LIN7A: variants seen among roughly 807,000 people sequenced by gnomAD.
LIN7A encodes protein lin-7 homolog A.
In LIN7A, 25 loss-of-function variants were observed where a neutral mutation model predicts 29.8. The observed-to-expected ratio is 0.84, with a 90% CI of 0.61 to 1.17. LIN7A has a LOEUF of 1.17. Among genes scored for constraint, LIN7A ranks in the 50% most tolerant of loss-of-function variants. The pLI, the probability that LIN7A is intolerant of heterozygous loss-of-function variation, is 0.00. For synonymous variants in LIN7A, 118 were observed against 107.5 expected (o/e 1.10, Z -0.60); for missense variants, 239 against 287.0 (o/e 0.83, Z 1.21).
At chr12:80,911,067 T>G (rs1807588480) in intron 1 of LIN7A, among the ~76,000 whole-genome samples, 1 of 152,136 alleles carries the variant, frequency 6.6e-6, no homozygotes, top group Admixed American at 6.6e-5. Flanking sequence ...ATAAACAGAT[T>G]ATATTTATTC....
At chr12:80,929,967 A>G (rs959856316) in intron 1 of LIN7A, among the ~76,000 whole-genome samples, 3 of 152,114 alleles carry the variant, frequency 2.0e-5, no homozygotes, top group African/African-American at 7.2e-5. Flanking sequence ...ATTTCATGCT[A>G]TGTTTCTCCA....
intron 4 of LIN7A, among the ~76,000 whole-genome samples, chr12:80,820,996 G>A (rs1433068466): frequency 6.6e-6 from 1 of 152,192 alleles, no homozygotes; most frequent in Non-Finnish European, 1.5e-5. Context: ...CATTAGGATA[G>A]GGAAAGGGTT....
intron 1 of LIN7A, among the ~76,000 whole-genome samples, chr12:80,899,251 T>C (rs1028826448): frequency 2.6e-4 from 39 of 152,180 alleles, no homozygotes; most frequent in Admixed American, 2.6e-3. Context: ...ATGGGTTTTG[T>C]TTTTAGTTCT....
At chr12:80,914,036 C>T (rs1037566414) in intron 1 of LIN7A, among the ~76,000 whole-genome samples, 1 of 152,170 alleles carries the variant, frequency 6.6e-6, no homozygotes. Flanking sequence ...ACTTCATGGA[C>T]CAACATGTTT....
At chr12:80,843,211 C>T (rs1416174534) in intron 4 of LIN7A, among the ~76,000 whole-genome samples, 1 of 152,106 alleles carries the variant, frequency 6.6e-6, no homozygotes, top group Non-Finnish European at 1.5e-5. Flanking sequence ...CTCACCTTTG[C>T]ATGAAGAGGA....
At chr12:80,809,049 G>A (rs537640231) in intron 5 of LIN7A, among the ~76,000 whole-genome samples, 9 of 150,280 alleles carry the variant, frequency 6.0e-5, no homozygotes, top group East Asian at 2.0e-4. Context: ...GCAATGGCTC[G>A]ATCTCGGCTT....
At chr12:80,929,218 T>A (rs527493969) in intron 1 of LIN7A, among the ~76,000 whole-genome samples, 1 of 152,328 alleles carries the variant, frequency 6.6e-6, no homozygotes, top group South Asian at 2.1e-4. Context: ...TTAAACCAGA[T>A]TATTCCAGTC....
At chr12:80,937,427 G>T in intron 1 of LIN7A, 1 of 394,562 alleles carries the variant, frequency 2.5e-6, no homozygotes, top group Admixed American at 4.5e-5. Context: ...TCCCCTCGGC[G>T]GGGCGAGTAC....
At chr12:80,923,615 T>C (rs1405330066) in intron 1 of LIN7A, among the ~76,000 whole-genome samples, 4 of 152,214 alleles carry the variant, frequency 2.6e-5, no homozygotes, top group Non-Finnish European at 4.4e-5. Flanking sequence ...ACAAAGTTCC[T>C]TCCTTTTTTT....
intron 2 of LIN7A, among the ~76,000 whole-genome samples, chr12:80,883,496 T>C (rs1349147490): frequency 2.0e-5 from 3 of 152,216 alleles, no homozygotes; most frequent in Non-Finnish European, 4.4e-5. Flanking sequence ...ATACCAGTCT[T>C]GTGTGTTTTC....
intron 5 of LIN7A, among the ~76,000 whole-genome samples, chr12:80,802,695 T>C (rs1870779144): frequency 6.6e-6 from 1 of 151,646 alleles, no homozygotes; most frequent in Non-Finnish European, 1.5e-5. Flanking sequence ...GATGGGGGTC[T>C]CACTATGTTG....
chr12:80,932,215 A>G (rs1234363571), intron 1 of LIN7A, among the ~76,000 whole-genome samples: 4 of 152,228 alleles, frequency 2.6e-5, no homozygotes, highest in Non-Finnish European at 4.4e-5. Flanking sequence ...CACAAATTCT[A>G]TGACAAGTGT....
chr12:80,804,255 G>T (rs1438892909), intron 5 of LIN7A, among the ~76,000 whole-genome samples: 1 of 151,924 alleles, frequency 6.6e-6, no homozygotes, highest in African/African-American at 2.4e-5. Context: ...ATTTTTAAGG[G>T]TATAGCTAAA....
intron 5 of LIN7A, among the ~76,000 whole-genome samples, chr12:80,808,145 CAT>C (rs1343986062): frequency 6.6e-6 from 1 of 152,182 alleles, no homozygotes; most frequent in African/African-American, 2.4e-5. Context: ...ACATGCCTGT[CAT>C]AGAGCTACTG....
At position 80,822,358 on chromosome 12, in the gene LIN7A, G is replaced by A. The variant is rs374332688; in HGVS notation, c.484-10675C>T. 5.9e-5 allele frequency among the ~76,000 whole-genome samples: 9 copies of A among 152,108 alleles called. No individual in the cohort carries two copies. The South Asian group carries it at 1.0e-3, about 18-fold the overall frequency. ...GGATCACCTGAGGTCAGGAGTTTGCGACCAGACTGGCCAACATGGTGAAAC... is the reference window on the plus strand; with the variant it reads ...GGATCACCTGAGGTCAGGAGTTTGCAACCAGACTGGCCAACATGGTGAAAC... On this transcript the variant is annotated intron_variant, in intron 4 of 5. Coordinates refer to ENST00000552864, the MANE Select transcript of LIN7A (RefSeq NM_004664.4).
chr12:80,830,374 A>C (rs1455790249), intron 4 of LIN7A, among the ~76,000 whole-genome samples: 1 of 152,146 alleles, frequency 6.6e-6, no homozygotes, highest in African/African-American at 2.4e-5. Context: ...TTATTCACCA[A>C]ACTCCACCAA....
chr12:80,878,781 C>T (rs1874864477), intron 2 of LIN7A, among the ~76,000 whole-genome samples: 1 of 152,082 alleles, frequency 6.6e-6, no homozygotes, highest in Non-Finnish European at 1.5e-5. Flanking sequence ...AACCTCTAGC[C>T]ACAGAGAGCT....
chr12:80,907,288 C>A (rs1290567569), intron 1 of LIN7A, among the ~76,000 whole-genome samples: 1 of 152,080 alleles, frequency 6.6e-6, no homozygotes, highest in East Asian at 1.9e-4. Flanking sequence ...TCTCCAGTGC[C>A]TTTTAACATT....
intron 1 of LIN7A, among the ~76,000 whole-genome samples, chr12:80,925,454 G>A (rs1877532833): frequency 1.3e-5 from 2 of 152,238 alleles, no homozygotes; most frequent in South Asian, 4.2e-4. Flanking sequence ...TTGGCAGGAG[G>A]GTGGAAGCAC....
Sources: gnomAD v4.1 joint callset for allele counts (sites outside exome capture counted in the v4.1 genomes callset) on GRCh38, gnomAD v4.1.1 for gene constraint, MANE v1.5 for transcripts, NCBI Gene and HGNC (gene_info 2026-07-23, HGNC 2026-07-21) for gene names.